The following NUP155 variants were observed in gnomAD, a reference collection of about 807,000 sequenced individuals.
NUP155 encodes nucleoporin 155, also known as nuclear pore complex protein Nup155.
A neutral mutation model predicts 180.4 loss-of-function variants in NUP155; 71 were observed. The ratio of observed to expected loss-of-function variants is 0.39; its 90% CI spans 0.33 to 0.48. NUP155 has a LOEUF of 0.48. NUP155 is among the 20% of genes least tolerant of loss of function. The pLI is 0.91. For missense variants in NUP155, 1,553 were observed against 1,648.9 expected, an observed-to-expected ratio of 0.94 and a Z score of 1.01; for synonymous variants, 582 against 559.5, an observed-to-expected ratio of 1.04 and a Z score of -0.57.
At chr5:37,302,976 T>C (rs1377256239) in intron 28 of NUP155, 68 bp from the exon 29 acceptor site, 6 of 1,499,914 alleles carry the variant, frequency 4.0e-6, no homozygotes, top group Admixed American at 1.7e-5. Flanking sequence ...ATACGTCAAT[T>C]AGTATGTACT....
chr5:37,355,660 G>A (rs1746779380), intron 4 of NUP155, among the ~76,000 whole-genome samples: 1 of 151,372 alleles, frequency 6.6e-6, no homozygotes, highest in Non-Finnish European at 1.5e-5. Flanking sequence ...CTCACTGCAC[G>A]CTCCACCTCC....
intron 16 of NUP155, 65 bp from the exon 17 acceptor site, chr5:37,328,485 A>G (rs2150964520): frequency 8.3e-7 from 1 of 1,200,586 alleles, no homozygotes; most frequent in South Asian, 1.3e-5. Flanking sequence ...AATGTGATCA[A>G]AATTAGGTAA....
intron 3 of NUP155, among the ~76,000 whole-genome samples, chr5:37,363,519 C>T (rs1747351193): frequency 6.6e-6 from 1 of 152,152 alleles, no homozygotes; most frequent in Non-Finnish European, 1.5e-5. Flanking sequence ...TATCACATGC[C>T]TACTCCATAG....
intron 17 of NUP155, 23 bp downstream of exon 17, chr5:37,328,335 T>A: frequency 6.4e-7 from 1 of 1,567,066 alleles, no homozygotes; most frequent in South Asian, 1.1e-5. Flanking sequence ...ATGAATCCAA[T>A]CCAAAACAAA....
chr5:37,365,738 A>AAATAT lies in NUP155; in HGVS notation c.158-1355_158-1354insATATT, dbSNP rs1561818758. On this transcript the variant is annotated intron_variant, in intron 1 of 34. Coordinates refer to ENST00000231498, the MANE Select transcript of NUP155 (RefSeq NM_153485.3). ...GAAAAAAAAAAAAAAAAAAAAAAAA[A>AAATAT]ATATATATATATATACACACACACA... Among the ~76,000 whole-genome samples, 30 of 37,144 alleles carry AAATAT rather than the reference A, an allele frequency of 8.1e-4. 1 individual carries two copies. Among genetic ancestry groups the AAATAT allele is most frequent in the South Asian group, 3.1e-3 (2 of 638 alleles). The allele number at this position is 37,144 out of a possible 152,430, so 24.4% of individuals were successfully genotyped here.
In NUP155 at chr5:37,303,187, T is replaced by TA; in HGVS notation, c.3317+72dup. 6.5e-6 allele frequency: 10 copies of TA among 1,547,338 alleles called. No homozygotes were observed. The South Asian group carries it at 9.3e-5, about 14-fold the overall frequency. Reference sequence around the variant, plus strand: ...ATTAAAACTTAGATTCTTCTAAAATTAAAGAAAACTGAATGTAAGTACATA... The same window carrying TA: ...ATTAAAACTTAGATTCTTCTAAAATTAAAAGAAAACTGAATGTAAGTACATA... On this transcript the variant is annotated intron_variant, in intron 28 of 34. Coordinates refer to ENST00000231498, the MANE Select transcript of NUP155 (RefSeq NM_153485.3).
intron 11 of NUP155, among the ~76,000 whole-genome samples, chr5:37,338,532 G>T (rs547788282): frequency 6.7e-6 from 1 of 149,822 alleles, no homozygotes; most frequent in Non-Finnish European, 1.5e-5. Context: ...TCAGCCTCCC[G>T]AGTAGCTGGG....
chr5:37,338,563 G>A lies in NUP155; in HGVS notation c.1247-645C>T, dbSNP rs193262722. Among the ~76,000 whole-genome samples the A allele has an allele frequency of 1.3e-4, 20 of 151,570 alleles. 1 individual carries two copies. The highest frequency in any genetic ancestry group is 3.9e-4 in the Admixed American group (6 of 15,222). On this transcript the variant is annotated intron_variant, in intron 11 of 34. Transcript: ENST00000231498. ...CTGGGACTACGGCACCTGCCACCAC[G>A]CCCGACTAATTTTTTGTATTTTTAG...
At chr5:37,341,399 T>C (rs1260687560) in intron 10 of NUP155, among the ~76,000 whole-genome samples, 157 bp from the exon 11 acceptor site, 3 of 152,230 alleles carry the variant, frequency 2.0e-5, no homozygotes, top group Non-Finnish European at 4.4e-5. Flanking sequence ...TCTAGCTCTG[T>C]CGCCCAGGCT....
intron 31 of NUP155, 38 bp from the exon 32 acceptor site, chr5:37,299,016 C>G (rs377562561): frequency 1.7e-6 from 2 of 1,169,464 alleles, no homozygotes; most frequent in Non-Finnish European, 2.6e-6. Flanking sequence ...ACCCAAATTA[C>G]TTTTAATGTG....
intron 7 of NUP155, 128 bp downstream of exon 7, chr5:37,350,032 A>C: frequency 1.4e-6 from 1 of 734,134 alleles, no homozygotes; most frequent in Non-Finnish European, 2.5e-6. Flanking sequence ...GACCTTATGA[A>C]TATATAAGAA....
chr5:37,358,294 C>CA, intron 3 of NUP155, 143 bp from the exon 4 acceptor site: 1 of 680,274 alleles, frequency 1.5e-6, no homozygotes, highest in Admixed American at 2.1e-5. Flanking sequence ...GCCTGGGCAA[C>CA]ATAGTGAGAC....
chr5:37,323,925 T>C (rs1159474645), intron 20 of NUP155, 67 bp downstream of exon 20: 1 of 1,118,538 alleles, frequency 8.9e-7, no homozygotes, highest in Non-Finnish European at 1.4e-6. Context: ...TTGTAGTATG[T>C]AAATCATCTC....
chr5:37,363,616 T>C (rs906262050), intron 3 of NUP155, among the ~76,000 whole-genome samples: 8 of 152,182 alleles, frequency 5.3e-5, no homozygotes, highest in African/African-American at 1.9e-4. Flanking sequence ...GGCTAACAGC[T>C]TGGGACCCGG....
Position 37,310,469 on chromosome 5 carries a change from T to A in NUP155, c.2628+83A>T, listed in dbSNP as rs1206368272. ...GGTTAAGAGATCTAACTGACTGAGG[T>A]CCTATATTAAGTGAAACAAGATGGT... On this transcript the variant is annotated intron_variant, in intron 23 of 34. Coordinates refer to ENST00000231498, the MANE Select transcript of NUP155 (RefSeq NM_153485.3). 5 of 1,096,522 alleles carry A rather than the reference T, an allele frequency of 4.6e-6. No individual in the cohort carries two copies. The Admixed American group carries it at 9.1e-5, about 20-fold the overall frequency. 67.9% of individuals were successfully genotyped at this position (1,096,522 alleles called of 1,614,324 possible).
At position 37,333,610 on chromosome 5, in the gene NUP155, A is replaced by G. The variant is rs371742777; in HGVS notation, c.1371T>C (p.His457=). 4 of 1,613,676 alleles carry G rather than the reference A, an allele frequency of 2.5e-6. No individual in the cohort carries two copies. In the African/African-American group the frequency reaches 5.3e-5, roughly 22 times the overall value. The change falls in exon 13 of 35, where the codon CAT becomes CAC. Residue 457 remains histidine (H), a synonymous_variant. Transcript: ENST00000231498. ...CATCTATCGCAGAAAGAGCCCAGGA[A>G]TGACCATCAACACCAGCTGTCATCT... The part of the protein sequence containing the change: ...ETQMTAGVDG[H]SWALSAIDEL...
At chr5:37,318,258 G>T (rs1744028380) in intron 20 of NUP155, among the ~76,000 whole-genome samples, 173 bp from the exon 21 acceptor site, 1 of 151,992 alleles carries the variant, frequency 6.6e-6, no homozygotes. Context: ...AGACTAAACA[G>T]ATGCTACTTA....
At chr5:37,295,718 G>T (rs994583517) in intron 32 of NUP155, among the ~76,000 whole-genome samples, 35 of 151,862 alleles carry the variant, frequency 2.3e-4, no homozygotes, top group Non-Finnish European at 4.7e-4. Flanking sequence ...GGGATGTGAG[G>T]AGCGTCTCTG....
intron 4 of NUP155, among the ~76,000 whole-genome samples, chr5:37,355,639 C>T (rs1165764816): frequency 6.6e-6 from 1 of 151,526 alleles, no homozygotes; most frequent in Non-Finnish European, 1.5e-5. Flanking sequence ...AGTGCAGTGG[C>T]GTGATCTTGG....
Sources: allele counts gnomAD v4.1 joint callset (sites outside exome capture counted in the v4.1 genomes callset), GRCh38; gene constraint gnomAD v4.1.1; transcripts MANE v1.5; gene names NCBI Gene and HGNC (gene_info 2026-07-23, HGNC 2026-07-21).